GRM8: variants seen among roughly 807,000 people sequenced by gnomAD.
GRM8 encodes metabotropic glutamate receptor 8.
A neutral mutation model predicts 87.2 loss-of-function variants in GRM8; 47 were observed. The ratio of observed to expected loss-of-function variants is 0.54; its 90% confidence interval spans 0.43 to 0.69. GRM8 has a LOEUF of 0.69. GRM8 is among the 30% of genes least tolerant of loss of function. The pLI is 0.00. For synonymous variants in GRM8, 396 were observed against 404.5 expected (o/e 0.98, Z 0.25); for missense variants, 1,019 against 1,139.2 (o/e 0.89, Z 1.52).
intron 6 of GRM8, among the ~76,000 whole-genome samples, chr7:126,806,195 G>A (rs556555407): frequency 1.1e-4 from 16 of 152,240 alleles, no homozygotes; most frequent in South Asian, 2.1e-4. Context: ...CGGTGGGTTC[G>A]TGGTCTCGCT....
intron 6 of GRM8, among the ~76,000 whole-genome samples, chr7:126,891,255 T>G (rs1329001552): frequency 2.0e-5 from 3 of 152,050 alleles, no homozygotes; most frequent in Non-Finnish European, 4.4e-5. Flanking sequence ...CATCTACTTC[T>G]GTCCATTCCT....
chr7:127,209,125 G>C (rs946137623), intron 2 of GRM8, among the ~76,000 whole-genome samples: 1 of 152,136 alleles, frequency 6.6e-6, no homozygotes, highest in Non-Finnish European at 1.5e-5. Flanking sequence ...TATAGTTCAG[G>C]TTTCTCCCTT....
rs796689012 is a variant in GRM8 at position 126,561,578 on chromosome 7, A to C, written c.1495-27691T>G. ...CAGCAGCAGCTATAGATTCTCCCTC[A>C]TTTAAACTTGAATTATCTTTTATTT... On this transcript the variant is annotated intron_variant, in intron 8 of 10. Transcript: ENST00000339582. Among the ~76,000 whole-genome samples, 9 of 152,082 alleles carry C rather than the reference A, an allele frequency of 5.9e-5. 1 individual carries two copies. The highest frequency in any genetic ancestry group is 2.2e-4 in the African/African-American group (9 of 41,518).
At chr7:127,140,822 A>G (rs1030045117) in intron 2 of GRM8, among the ~76,000 whole-genome samples, 2 of 152,162 alleles carry the variant, frequency 1.3e-5, no homozygotes, top group African/African-American at 4.8e-5. Flanking sequence ...CACTTTTGAA[A>G]GCCAGGCATG....
At position 126,737,644 on chromosome 7, in the gene GRM8, C is replaced by T. The variant is rs535357336; in HGVS notation, c.1357+32221G>A. ...TCACTAGTATGTAATTTTTCCATTC[C>T]CTTCCTGAGCAATGTCCAGACGTAC... On this transcript the variant is annotated intron_variant, in intron 7 of 10. Coordinates refer to ENST00000339582, the MANE Select transcript of GRM8 (RefSeq NM_000845.3). 5.9e-5 allele frequency among the ~76,000 whole-genome samples: 9 copies of T among 152,012 alleles called. No individual in the cohort carries two copies. In the East Asian group the frequency reaches 1.5e-3, roughly 26 times the overall value.
intron 7 of GRM8, among the ~76,000 whole-genome samples, chr7:126,674,607 ATAATT>A (rs1806737565): frequency 6.6e-6 from 1 of 152,170 alleles, no homozygotes. Flanking sequence ...AAAAATAACT[ATAATT>A]TAATGAAATA....
intron 6 of GRM8, among the ~76,000 whole-genome samples, chr7:126,865,750 C>T (rs1798540992): frequency 2.0e-5 from 3 of 152,196 alleles, no homozygotes; most frequent in Admixed American, 2.0e-4. Flanking sequence ...AATGGTGTAA[C>T]ATCTATGAGT....
intron 2 of GRM8, among the ~76,000 whole-genome samples, chr7:127,194,476 C>A (rs1413649133): frequency 2.6e-5 from 4 of 152,130 alleles, no homozygotes; most frequent in African/African-American, 9.7e-5. Flanking sequence ...CCCCATTCAA[C>A]CTTTAATAAC....
chr7:126,869,460 AC>A (rs1489838558), intron 6 of GRM8: 1 of 152,240 alleles, frequency 6.6e-6, no homozygotes, highest in African/African-American at 2.4e-5. Flanking sequence ...CAGAGAAGTC[AC>A]TATGTATGGG....
At chr7:126,451,990 T>G (rs1041469715) in intron 9 of GRM8, among the ~76,000 whole-genome samples, 2 of 151,724 alleles carry the variant, frequency 1.3e-5, no homozygotes, top group Non-Finnish European at 2.9e-5. Context: ...GAATAAAAAT[T>G]CCATGAATAT....
At chr7:126,580,056 A>C (rs563346065) in intron 8 of GRM8, among the ~76,000 whole-genome samples, 1 of 152,260 alleles carries the variant, frequency 6.6e-6, no homozygotes, top group South Asian at 2.1e-4. Context: ...GTAAGTTATA[A>C]ATTAAATACA....
At chr7:126,645,987 T>G (rs941100190) in intron 7 of GRM8, among the ~76,000 whole-genome samples, 2 of 152,144 alleles carry the variant, frequency 1.3e-5, no homozygotes, top group African/African-American at 4.8e-5. Flanking sequence ...TCAAGGTCTT[T>G]TACTCACCCC....
intron 6 of GRM8, among the ~76,000 whole-genome samples, chr7:126,793,595 C>A (rs1389495155): frequency 6.6e-6 from 1 of 152,132 alleles, no homozygotes; most frequent in African/African-American, 2.4e-5. Flanking sequence ...TCAAAGTTAA[C>A]AAAACAAACA....
intron 3 of GRM8, among the ~76,000 whole-genome samples, chr7:126,953,094 G>C (rs1309120927): frequency 6.6e-6 from 1 of 151,976 alleles, no homozygotes; most frequent in Non-Finnish European, 1.5e-5. Flanking sequence ...AAAGTAGTTT[G>C]AAATTTAAAG....
intron 3 of GRM8, among the ~76,000 whole-genome samples, chr7:127,065,867 TA>T (rs1821055073): frequency 6.6e-6 from 1 of 152,038 alleles, no homozygotes; most frequent in Admixed American, 6.6e-5. Flanking sequence ...TTCTTTCATT[TA>T]AAAAAAATTA....
chr7:126,598,493 T>C (rs1797428615), intron 8 of GRM8, among the ~76,000 whole-genome samples: 1 of 152,122 alleles, frequency 6.6e-6, no homozygotes, highest in Non-Finnish European at 1.5e-5. Flanking sequence ...CTAAGTTGAG[T>C]ATGAACTAAA....
chr7:126,501,011 AT>A (rs1430158846), intron 9 of GRM8, among the ~76,000 whole-genome samples: 3 of 152,008 alleles, frequency 2.0e-5, no homozygotes, highest in Admixed American at 6.6e-5. Flanking sequence ...TATTCTTATA[AT>A]TTTTTAGTGC....
intron 2 of GRM8, among the ~76,000 whole-genome samples, chr7:127,159,846 T>C (rs1277725193): frequency 6.6e-6 from 1 of 152,042 alleles, no homozygotes; most frequent in African/African-American, 2.4e-5. Context: ...ATAATCCAAA[T>C]GCTGAATTCC....
At chr7:126,862,769 A>T (rs918247227) in intron 6 of GRM8, among the ~76,000 whole-genome samples, 4 of 152,110 alleles carry the variant, frequency 2.6e-5, no homozygotes, top group Non-Finnish European at 4.4e-5. Flanking sequence ...TTCTTCTCTC[A>T]GAATTTAAAA....
Sources: allele counts gnomAD v4.1 joint callset (sites outside exome capture counted in the v4.1 genomes callset), GRCh38; gene constraint gnomAD v4.1.1; transcripts MANE v1.5; gene names NCBI Gene and HGNC (gene_info 2026-07-23, HGNC 2026-07-21).